CADPS2: variants seen among roughly 807,000 people sequenced by gnomAD.
CADPS2 encodes calcium-dependent secretion activator 2.
A neutral mutation model predicts 172.5 loss-of-function variants in CADPS2; 93 were observed. That is an observed-to-expected ratio of 0.54 (90% confidence interval 0.46 to 0.64). CADPS2 has a LOEUF of 0.64. CADPS2 is among the 30% of genes least tolerant of loss of function. The probability of loss-of-function intolerance (pLI) is 0.00; values close to 1 mark genes in which losing one functional copy is unlikely to be tolerated. For synonymous variants in CADPS2, 546 were observed against 555.2 expected (o/e 0.98, Z 0.23); for missense variants, 1,420 against 1,565.9 (o/e 0.91, Z 1.57).
At chr7:122,596,694 T>C (rs1214746027) in intron 6 of CADPS2, among the ~76,000 whole-genome samples, 1 of 152,056 alleles carries the variant, frequency 6.6e-6, no homozygotes, top group Admixed American at 6.6e-5. Context: ...AGGCACACAT[T>C]ACATATTCAA....
At chr7:122,872,610 T>C (rs1820061000) in intron 1 of CADPS2, among the ~76,000 whole-genome samples, 1 of 152,120 alleles carries the variant, frequency 6.6e-6, no homozygotes, top group Non-Finnish European at 1.5e-5. Context: ...TCTTATGATA[T>C]TCAGCATTTT....
intron 14 of CADPS2, among the ~76,000 whole-genome samples, chr7:122,452,902 T>C (rs2053308240): frequency 6.6e-6 from 1 of 151,978 alleles, no homozygotes; most frequent in Non-Finnish European, 1.5e-5. Flanking sequence ...TGTGTGTGTG[T>C]ATATATGTTT....
intron 2 of CADPS2, among the ~76,000 whole-genome samples, chr7:122,691,077 C>T (rs543850303): frequency 2.8e-4 from 42 of 152,348 alleles, no homozygotes; most frequent in South Asian, 4.1e-4. Context: ...CAGCATACTC[C>T]GCTGCTCTAA....
chr7:122,627,920 A>G (rs975976057), intron 4 of CADPS2, among the ~76,000 whole-genome samples: 3 of 152,142 alleles, frequency 2.0e-5, no homozygotes, highest in African/African-American at 4.8e-5. Flanking sequence ...TTTCTACTCT[A>G]CAAAATCCAC....
chr7:122,608,794 C>A (rs2073928694), intron 6 of CADPS2, among the ~76,000 whole-genome samples: 3 of 152,008 alleles, frequency 2.0e-5, no homozygotes, highest in African/African-American at 7.2e-5. Context: ...TTATTTTTTT[C>A]TCTAACAAAT....
chr7:122,533,043 G>A lies in CADPS2; in HGVS notation c.1476-19728C>T, dbSNP rs537283994. 1.6e-3 allele frequency among the ~76,000 whole-genome samples: 240 copies of A among 152,070 alleles called. 1 individual carries two copies. Among genetic ancestry groups the A allele is most frequent in the African/African-American group, 5.7e-3 (237 of 41,510 alleles). ...CTCCGCACCCCCACCCCCATTTTTA[G>A]AAAGGCCTATCACTCTTGCCCTCTA... On this transcript the variant is annotated intron_variant, in intron 8 of 29. Transcript: ENST00000449022.
chr7:122,509,063 T>C (rs1323991618), intron 9 of CADPS2, among the ~76,000 whole-genome samples: 3 of 152,182 alleles, frequency 2.0e-5, no homozygotes, highest in Non-Finnish European at 4.4e-5. Flanking sequence ...CTTACTGCCA[T>C]TAGCAAACAT....
intron 12 of CADPS2, 45 bp from the exon 13 acceptor site, chr7:122,474,562 T>G: frequency 6.3e-7 from 1 of 1,576,636 alleles, no homozygotes; most frequent in Non-Finnish European, 8.6e-7. Flanking sequence ...CTTTTCAGGC[T>G]TAATGATGGA....
chr7:122,864,773 C>T (rs1817859659), intron 1 of CADPS2, among the ~76,000 whole-genome samples: 1 of 152,138 alleles, frequency 6.6e-6, no homozygotes, highest in South Asian at 2.1e-4. Context: ...GCCCTAGACT[C>T]CTTCCAACTT....
At chr7:122,386,850 G>A (rs549938073) in intron 24 of CADPS2, among the ~76,000 whole-genome samples, 176 bp downstream of exon 24, 1 of 152,162 alleles carries the variant, frequency 6.6e-6, no homozygotes, top group South Asian at 2.1e-4. Context: ...TATCAAAAAG[G>A]AGAAACTGAC....
chr7:122,728,492 G>T (rs549154250), intron 2 of CADPS2, among the ~76,000 whole-genome samples: 13 of 151,776 alleles, frequency 8.6e-5, no homozygotes, highest in African/African-American at 3.1e-4. Context: ...CTGAAGTCAA[G>T]TTCCTTGGTA....
chr7:122,782,494 C>A (rs1792989267), intron 1 of CADPS2, among the ~76,000 whole-genome samples: 1 of 152,216 alleles, frequency 6.6e-6, no homozygotes, highest in East Asian at 1.9e-4. Flanking sequence ...GTCTGCGGTC[C>A]CAGCTACTCA....
chr7:122,580,061 C>T (rs921749685), intron 7 of CADPS2, among the ~76,000 whole-genome samples: 30 of 152,184 alleles, frequency 2.0e-4, no homozygotes, highest in African/African-American at 6.7e-4. Context: ...TACAAGCAGT[C>T]CATTAATACC....
intron 9 of CADPS2, among the ~76,000 whole-genome samples, chr7:122,502,314 C>T (rs1450969107): frequency 1.3e-5 from 2 of 151,964 alleles, no homozygotes; most frequent in Admixed American, 1.3e-4. Flanking sequence ...ATTGTCATCC[C>T]TTTAGTTTTT....
intron 6 of CADPS2, among the ~76,000 whole-genome samples, chr7:122,596,223 G>A (rs776226172): frequency 6.6e-6 from 1 of 152,096 alleles, no homozygotes; most frequent in Non-Finnish European, 1.5e-5. Flanking sequence ...AGGCTTTTAA[G>A]CTCAAGAACA....
At chr7:122,681,174 T>TG in intron 2 of CADPS2, 1 of 553,592 alleles carries the variant, frequency 1.8e-6, no homozygotes, top group East Asian at 3.5e-5. Context: ...ATATACCTAA[T>TG]GCTAGATGAC....
intron 17 of CADPS2, among the ~76,000 whole-genome samples, chr7:122,428,538 G>C (rs764872705): frequency 9.3e-5 from 14 of 150,984 alleles, no homozygotes; most frequent in Non-Finnish European, 1.6e-4. Context: ...CGCAATCACG[G>C]CTCACTGCAA....
At position 122,374,209 on chromosome 7, in the gene CADPS2, T is replaced by C. The variant is rs940549092; in HGVS notation, c.3387+5159A>G. On this transcript the variant is annotated intron_variant, in intron 25 of 29. Transcript: ENST00000449022. ...CTTGACAAAACTAAGTAATGTTTCA[T>C]GATAAAAGCATTCAAAATATTAGGA... Among the ~76,000 whole-genome samples, 5 of 152,136 alleles carry C rather than the reference T, an allele frequency of 3.3e-5. No individual in the cohort carries two copies. In the South Asian group the frequency reaches 8.3e-4, roughly 25 times the overall value.
chr7:122,373,489 G>A (rs780591840), intron 25 of CADPS2, among the ~76,000 whole-genome samples: 1 of 152,092 alleles, frequency 6.6e-6, no homozygotes, highest in Non-Finnish European at 1.5e-5. Context: ...AATCTATCCT[G>A]CCTGTGGACC....
Sources: allele counts gnomAD v4.1 joint callset (sites outside exome capture counted in the v4.1 genomes callset), GRCh38; gene constraint gnomAD v4.1.1; transcripts MANE v1.5; gene names NCBI Gene and HGNC (gene_info 2026-07-23, HGNC 2026-07-21).